The following FGFR4 variants were observed in gnomAD, a reference collection of about 807,000 sequenced individuals.
FGFR4 encodes hydroxyaryl-protein kinase.
FGFR4 carries 63 observed loss-of-function variants against 89.9 expected under a neutral mutation model. The ratio of observed to expected loss-of-function variants is 0.70; its 90% confidence interval spans 0.57 to 0.86. The LOEUF is 0.86. Ranked by LOEUF, FGFR4 falls within the 40% of genes least tolerant of loss-of-function variation. The pLI is 0.00. For synonymous variants in FGFR4, 486 were observed against 479.4 expected, an observed-to-expected ratio of 1.01 and a Z score of -0.18; for missense variants, 928 against 1,106.7, an observed-to-expected ratio of 0.84 and a Z score of 2.29.
chr5:177,090,561 T>G lies in FGFR4; in HGVS notation c.263T>G (p.Ile88Ser). Reference sequence around the variant, plus strand: ...CGGGGCTGGAGGGGCCGCCTAGAGATTGCCAGCTTCCTACCTGAGGATGCT... The same window carrying G: ...CGGGGCTGGAGGGGCCGCCTAGAGAGTGCCAGCTTCCTACCTGAGGATGCT... ...RVRGWRGRLE[I>S]ASFLPEDAGR... is the part of the protein sequence containing the mutation. Residue 88 changes from isoleucine to serine, a missense_variant, in exon 3 of 18, where the codon ATT becomes AGT. Coordinates refer to ENST00000292408, the MANE Select transcript of FGFR4 (RefSeq NM_213647.3). 6.6e-7 allele frequency: 1 copy of G among 1,526,260 alleles called. No homozygotes were observed. Among genetic ancestry groups the G allele is most frequent in the Non-Finnish European group, 8.8e-7 (1 of 1,138,752 alleles). The allele number at this position is 1,526,260 out of a possible 1,614,324, so 94.5% of individuals were successfully genotyped here.
At chr5:177,091,904 G>T in intron 6 of FGFR4, 96 bp downstream of exon 6, 2 of 1,517,724 alleles carry the variant, frequency 1.3e-6, no homozygotes, top group Non-Finnish European at 1.8e-6. Context: ...GATGGACTCA[G>T]ATGAGTCAGG....
chr5:177,097,755 G>T lies in FGFR4; in HGVS notation c.*79G>T, dbSNP rs1451612640. ...TCAGCCACAGCCTGACACAGTGCTCGACCTTGATAGCATGGGGCCCCTGGC... is the reference window on the plus strand; with the variant it reads ...TCAGCCACAGCCTGACACAGTGCTCTACCTTGATAGCATGGGGCCCCTGGC... On this transcript the variant is annotated 3_prime_UTR_variant, in exon 18 of 18. Transcript: ENST00000292408. 3.9e-6 allele frequency: 6 copies of T among 1,526,584 alleles called. No individual in the cohort carries two copies. The Admixed American group carries it at 8.1e-5, about 21-fold the overall frequency. The allele number at this position is 1,526,584 out of a possible 1,614,324, so 94.6% of individuals were successfully genotyped here.
At position 177,095,474 on chromosome 5, in the gene FGFR4, T is replaced by A; in HGVS notation, c.1630+34T>A. Reference sequence around the variant, plus strand: ...GAGGCGGGGCTGGCTGCACGGGCCGTTAGGGTGCAGAGCCAAAGCTTTGGC... The same window carrying A: ...GAGGCGGGGCTGGCTGCACGGGCCGATAGGGTGCAGAGCCAAAGCTTTGGC... On this transcript the variant is annotated intron_variant, in intron 12 of 17. Coordinates refer to ENST00000292408, the MANE Select transcript of FGFR4 (RefSeq NM_213647.3). This position sits in a 1 kb window ranked among gnomAD's most constrained non-coding sequence, Gnocchi z 5.7. The A allele has an allele frequency of 6.2e-7, 1 of 1,613,370 alleles. No individual in the cohort carries two copies. Among genetic ancestry groups the A allele is most frequent in the Non-Finnish European group, 8.5e-7 (1 of 1,179,484 alleles).
At chr5:177,088,674 G>A (rs553419898) in intron 1 of FGFR4, among the ~76,000 whole-genome samples, 1 of 152,212 alleles carries the variant, frequency 6.6e-6, no homozygotes, top group African/African-American at 2.4e-5. Context: ...TTTGGAAGAG[G>A]ATAGCCAGCT....
chr5:177,092,676 G>T lies in FGFR4; in HGVS notation c.949G>T (p.Val317Phe), dbSNP rs773542945. The part of the protein sequence containing the change: ...TADINSSEVE[V>F]LYLRNVSAED... ...AGACATCAATAGCTCAGAGGTGGAGGTCCTGTACCTGCGGAACGTGTCAGC... is the reference window on the plus strand; with the variant it reads ...AGACATCAATAGCTCAGAGGTGGAGTTCCTGTACCTGCGGAACGTGTCAGC... Residue 317 changes from valine (V) to phenylalanine (F), a missense_variant, in exon 8 of 18, where the codon GTC becomes TTC. By Grantham distance (50) the Val-to-Phe change is conservative. Around this residue, in one of 5 missense-constraint regions of FGFR4, gnomAD observed 741 missense variants for 836.9 expected, o/e 0.89. Coordinates refer to ENST00000292408, the MANE Select transcript of FGFR4 (RefSeq NM_213647.3). The T allele has an allele frequency of 6.2e-7, 1 of 1,613,346 alleles. No homozygotes were observed. Among genetic ancestry groups the T allele is most frequent in the Non-Finnish European group, 8.5e-7 (1 of 1,179,318 alleles).
At chr5:177,088,062 G>GT (rs1385130652) in intron 1 of FGFR4, among the ~76,000 whole-genome samples, 13 of 151,500 alleles carry the variant, frequency 8.6e-5, no homozygotes, top group East Asian at 1.9e-4. Flanking sequence ...TTTTTATTTT[G>GT]TTTTTTTTGA....
At position 177,095,664 on chromosome 5, in the gene FGFR4, G is replaced by T. The variant is rs1383607281; in HGVS notation, c.1762G>T (p.Val588Phe). The change falls in exon 13 of 18, where the codon GTC (valine) becomes TTC (phenylalanine). Residue 588 changes from valine to phenylalanine, a missense_variant. Transcript: ENST00000292408. The surrounding 1 kb of genome is among the most constrained non-coding windows in gnomAD (Gnocchi z 5.7). ...RSSEGPLSFP[V>F]LVSCAYQVAR... ...CAGTGAGGGGCCGCTCTCCTTCCCA[G>T]TCCTGGTCTCCTGCGCCTACCAGGT... is the stretch of plus-strand genomic sequence containing the variant. 1 of 1,609,180 alleles carries T rather than the reference G, an allele frequency of 6.2e-7. No individual in the cohort carries two copies. Among genetic ancestry groups the T allele is most frequent in the Non-Finnish European group, 8.5e-7 (1 of 1,178,912 alleles).
rs1484075837 is a variant in FGFR4, at chr5:177,093,102, G to A, written c.1058-36G>A. The A allele has an allele frequency of 1.2e-6, 2 of 1,613,746 alleles. No individual in the cohort carries two copies. The highest frequency in any genetic ancestry group is 8.5e-7 in the Non-Finnish European group (1 of 1,179,830). Reference sequence around the variant, plus strand: ...GGGCGGCCAGTCTCACCACTGACCAGTTTGTCTGTCTGTGTGTGTCCATGT... The same window carrying A: ...GGGCGGCCAGTCTCACCACTGACCAATTTGTCTGTCTGTGTGTGTCCATGT... On this transcript the variant is annotated intron_variant, in intron 8 of 17. Coordinates refer to ENST00000292408, the MANE Select transcript of FGFR4 (RefSeq NM_213647.3). The surrounding 1 kb of genome is among the most constrained non-coding windows in gnomAD (Gnocchi z 5.8).
chr5:177,090,012 C>T lies in FGFR4; in HGVS notation c.91+319C>T, dbSNP rs1784294025. On this transcript the variant is annotated intron_variant, in intron 2 of 17. Transcript: ENST00000292408. ...GCACTGGGTGTGTGACCTAGGAGGTCCAGGCAGCATGTGTGGTATAAGCAT... is the reference window on the plus strand; with the variant it reads ...GCACTGGGTGTGTGACCTAGGAGGTTCAGGCAGCATGTGTGGTATAAGCAT... 6.0e-6 allele frequency: 4 copies of T among 666,086 alleles called. No individual in the cohort carries two copies. The East Asian group carries it at 1.2e-4, about 20-fold the overall frequency. 41.3% of individuals were successfully genotyped at this position (666,086 alleles called of 1,614,324 possible).
In FGFR4 at chr5:177,091,683, A is replaced by G; in HGVS notation, c.604-2A>G. 1 of 1,614,098 alleles carries G rather than the reference A, an allele frequency of 6.2e-7. No homozygotes were observed. The highest frequency in any genetic ancestry group is 8.5e-7 in the Non-Finnish European group (1 of 1,179,988). ...GGTCCCGGACACTCTCTCTGCCTGC[A>G]GCTGCGCCATCAGCACTGGAGTCTC... On this transcript the variant is annotated splice_acceptor_variant, in intron 5 of 17. Coordinates refer to ENST00000292408, the MANE Select transcript of FGFR4 (RefSeq NM_213647.3). LOFTEE classifies it high-confidence loss of function.
In FGFR4 at chr5:177,095,601, C is replaced by A; in HGVS notation, c.1699C>A (p.Pro567Thr). 6.2e-7 allele frequency: 1 copy of A among 1,605,522 alleles called. No individual in the cohort carries two copies. Among genetic ancestry groups the A allele is most frequent in the Non-Finnish European group, 8.5e-7 (1 of 1,177,086 alleles). ...GCGGGAGTTCCTGCGGGCCCGGCGCCCCCCAGGCCCCGACCTCAGCCCCGA... is the reference window on the plus strand; with the variant it reads ...GCGGGAGTTCCTGCGGGCCCGGCGCACCCCAGGCCCCGACCTCAGCCCCGA... Reference protein sequence around the residue: ...NLREFLRARRPPGPDLSPDGP... With the variant: ...NLREFLRARRTPGPDLSPDGP... Residue 567 changes from proline (P) to threonine (T), a missense_variant, in exon 13 of 18, where the codon CCC (proline) becomes ACC (threonine). This residue lies in a region of FGFR4 where 741 missense variants were observed against 836.9 expected (regional missense o/e 0.89). Transcript: ENST00000292408. The surrounding 1 kb of genome is among the most constrained non-coding windows in gnomAD (Gnocchi z 5.7).
chr5:177,097,172 G>C, intron 16 of FGFR4, 120 bp from the exon 17 acceptor site: 1 of 702,142 alleles, frequency 1.4e-6, no homozygotes, highest in Non-Finnish European at 2.4e-6. Context: ...TTCTACTGAT[G>C]ACCCTCCTAT....
intron 2 of FGFR4, chr5:177,090,162 C>A: frequency 1.5e-6 from 1 of 688,444 alleles, no homozygotes; most frequent in Non-Finnish European, 2.6e-6. Flanking sequence ...GTGTCTTGGC[C>A]ACTGTCGTGT....
rs182489619 is a variant in FGFR4, at chr5:177,095,981, C to T, written c.1822-76C>T. The T allele has an allele frequency of 2.7e-4, 424 of 1,544,700 alleles. No individual in the cohort carries two copies. Among genetic ancestry groups the T allele is most frequent in the African/African-American group, 4.1e-4 (30 of 73,506 alleles). On this transcript the variant is annotated intron_variant, in intron 13 of 17. Coordinates refer to ENST00000292408, the MANE Select transcript of FGFR4 (RefSeq NM_213647.3). The surrounding 1 kb of genome is among the most constrained non-coding windows in gnomAD (Gnocchi z 5.7). ...AAAGTGGGTGGAGGGCCCCTGCCCCCGGGCCTGCTGGGGGGTGGTGTGTGC... is the reference window on the plus strand; with the variant it reads ...AAAGTGGGTGGAGGGCCCCTGCCCCTGGGCCTGCTGGGGGGTGGTGTGTGC...
intron 2 of FGFR4, chr5:177,090,125 TGTGTGTATGC>T (rs1173918518): frequency 4.2e-5 from 27 of 640,902 alleles, no homozygotes; most frequent in Admixed American, 1.4e-4. Flanking sequence ...CGTATGTGTG[TGTGTGTATGC>T]GTGTGTGTGT....
chr5:177,095,925 C>T lies in FGFR4; in HGVS notation c.1822-132C>T. On this transcript the variant is annotated intron_variant, in intron 13 of 17. Transcript: ENST00000292408. This position sits in a 1 kb window ranked among gnomAD's most constrained non-coding sequence, Gnocchi z 5.7. ...AGAGGGGACGCAGGAGAAGGCACTC[C>T]CCGTTTCTAAACCTTGACCTCCTCC... 1 of 1,366,486 alleles carries T rather than the reference C, an allele frequency of 7.3e-7. No individual in the cohort carries two copies. Among genetic ancestry groups the T allele is most frequent in the South Asian group, 1.5e-5 (1 of 67,436 alleles). 84.6% of individuals were successfully genotyped at this position (1,366,486 alleles called of 1,614,324 possible). A position where few individuals can be genotyped will look rare whatever the true frequency, so the allele number is the denominator to read the frequency against.
Position 177,086,971 on chromosome 5 carries a change from AG to A in FGFR4, c.-156del. On this transcript the variant is annotated 5_prime_UTR_variant, in exon 1 of 18. Transcript: ENST00000292408. ...GCTGTCTGCGGACCCTGCCGCGTGC[AG>A]GGGTCGCGGCCGGCTGGAGCTGGGA... The A allele has an allele frequency of 6.6e-6, 1 of 152,456 alleles. No individual in the cohort carries two copies. Among genetic ancestry groups the A allele is most frequent in the Non-Finnish European group, 1.5e-5 (1 of 68,390 alleles). 9.4% of individuals were successfully genotyped at this position (152,456 alleles called of 1,614,324 possible).
At chr5:177,092,905 G>A (rs1364231358) in intron 8 of FGFR4, 121 bp downstream of exon 8, 1 of 1,502,846 alleles carries the variant, frequency 6.7e-7, no homozygotes, top group African/African-American at 1.4e-5. Flanking sequence ...GGGGCAGTGT[G>A]TGGATTTGTG....
chr5:177,097,201 C>A, intron 16 of FGFR4, 91 bp from the exon 17 acceptor site: 1 of 1,061,916 alleles, frequency 9.4e-7, no homozygotes, highest in Non-Finnish European at 1.4e-6. Flanking sequence ...AAACTCCCCA[C>A]CAAACTCCTC....
Sources: gnomAD v4.1 joint callset for allele counts (sites outside exome capture counted in the v4.1 genomes callset) on GRCh38, gnomAD v4.1.1 for gene constraint, gnomAD v4.1.1 regional missense constraint, Gnocchi (gnomAD v3.1) non-coding constraint, MANE v1.5 for transcripts, NCBI Gene and HGNC (gene_info 2026-07-23, HGNC 2026-07-21) for gene names.